HERC1: variants seen among roughly 807,000 people sequenced by gnomAD.
HERC1 encodes HECT and RLD domain containing E3 ubiquitin protein ligase family member 1.
Under a neutral mutation model 554.3 loss-of-function variants are expected in HERC1, and 160 were observed. The ratio of observed to expected loss-of-function variants is 0.29; its 90% CI spans 0.25 to 0.33. The LOEUF (loss-of-function observed/expected upper bound fraction) is 0.33, where lower values mean the gene tolerates loss of function less well. HERC1 is among the 10% of genes least tolerant of loss of function. The pLI, the probability that HERC1 is intolerant of heterozygous loss-of-function variation, is 1.00. For synonymous variants in HERC1, 2,175 were observed against 2,131.7 expected (o/e 1.02, Z -0.56); for missense variants, 4,919 against 5,918.5 (o/e 0.83, Z 5.54).
intron 1 of HERC1, among the ~76,000 whole-genome samples, chr15:63,802,465 A>C (rs998184451): frequency 3.9e-5 from 6 of 152,184 alleles, no homozygotes; most frequent in African/African-American, 1.4e-4. Flanking sequence ...AATCAAACTA[A>C]TGGGTTTTCA....
intron 72 of HERC1, 42 bp from the exon 73 acceptor site, chr15:63,623,932 C>T: frequency 1.3e-6 from 2 of 1,590,534 alleles, no homozygotes; most frequent in Non-Finnish European, 1.7e-6. Flanking sequence ...CAACTCTTAC[C>T]AATTTCCCCA....
At chr15:63,745,466 G>T (rs1181675796) in intron 12 of HERC1, among the ~76,000 whole-genome samples, 1 of 152,204 alleles carries the variant, frequency 6.6e-6, no homozygotes, top group Non-Finnish European at 1.5e-5. Flanking sequence ...TCTGGCTAGG[G>T]TTGGTTTAAA....
chr15:63,655,889 G>C lies in HERC1; in HGVS notation c.9937C>G (p.Leu3313Val), dbSNP rs2070005823. The C allele has an allele frequency of 6.2e-7, 1 of 1,612,566 alleles. No individual in the cohort carries two copies. Among genetic ancestry groups the C allele is most frequent in the Non-Finnish European group, 8.5e-7 (1 of 1,179,316 alleles). ...TVDDSIQRKF[L>V]PSFLRGIAEE... The stretch of plus-strand genomic sequence containing the variant: ...GCAATTCCTCGGAGAAAGCTGGGTA[G>C]AAACTTTCGCTGAATTGAGTCATCA... The change falls in exon 50 of 78, where the codon CTA becomes GTA. Residue 3313 changes from leucine (L) to valine (V), a missense_variant. This residue lies in a region of HERC1 where 1,963 missense variants were observed against 2,228.6 expected (regional missense o/e 0.88). Transcript: ENST00000443617.
At chr15:63,735,248 G>A (rs1257091746) in intron 12 of HERC1, among the ~76,000 whole-genome samples, 3 of 152,024 alleles carry the variant, frequency 2.0e-5, no homozygotes, top group Non-Finnish European at 4.4e-5. Flanking sequence ...GTAAAAGGGT[G>A]CAGGAACTTG....
chr15:63,623,000 T>C (rs2068153415), intron 73 of HERC1, 109 bp from the exon 74 acceptor site: 3 of 644,156 alleles, frequency 4.7e-6, no homozygotes, highest in African/African-American at 1.9e-5. Flanking sequence ...GAATTTATAA[T>C]GCCATGTGAC....
chr15:63,720,179 C>T (rs1293723396), intron 19 of HERC1, among the ~76,000 whole-genome samples: 1 of 135,178 alleles, frequency 7.4e-6, no homozygotes, highest in Non-Finnish European at 1.5e-5. Flanking sequence ...ACATAGCTCA[C>T]TGCAGTCTCA....
chr15:63,653,239 G>A (rs1485418344), intron 51 of HERC1, among the ~76,000 whole-genome samples: 1 of 152,096 alleles, frequency 6.6e-6, no homozygotes, highest in Admixed American at 6.6e-5. Context: ...TCAGGAGTTT[G>A]AGACCAGCCT....
At chr15:63,706,299 T>G (rs2073003162) in intron 25 of HERC1, among the ~76,000 whole-genome samples, 1 of 152,056 alleles carries the variant, frequency 6.6e-6, no homozygotes, top group Admixed American at 6.5e-5. Flanking sequence ...ATCTCTTACA[T>G]GCTTTATCTT....
intron 1 of HERC1, among the ~76,000 whole-genome samples, chr15:63,828,030 G>A (rs967844699): frequency 1.3e-5 from 2 of 151,924 alleles, no homozygotes; most frequent in Admixed American, 6.5e-5. Context: ...AAAGTGTTCC[G>A]GAATTAGATA....
intron 70 of HERC1, among the ~76,000 whole-genome samples, chr15:63,627,460 G>T (rs1358697709): frequency 6.6e-6 from 1 of 152,036 alleles, no homozygotes. Flanking sequence ...CCAGACTTGA[G>T]GTCAGGAGTT....
At chr15:63,832,738 A>T (rs2146240554) in intron 1 of HERC1, among the ~76,000 whole-genome samples, 1 of 152,346 alleles carries the variant, frequency 6.6e-6, no homozygotes, top group South Asian at 2.1e-4. Context: ...ACTAGCAGCC[A>T]GTTTTAATCA....
intron 1 of HERC1, among the ~76,000 whole-genome samples, chr15:63,817,499 G>T (rs1024323732): frequency 6.6e-6 from 1 of 152,164 alleles, no homozygotes; most frequent in African/African-American, 2.4e-5. Context: ...TGGATCACCT[G>T]AGGCAAGGAG....
chr15:63,692,276 T>A lies in HERC1; in HGVS notation c.5830+135A>T. 1 of 601,900 alleles carries A rather than the reference T, an allele frequency of 1.7e-6. No homozygotes were observed. The allele number at this position is 601,900 out of a possible 1,614,324, so 37.3% of individuals were successfully genotyped here. A position where few individuals can be genotyped will look rare whatever the true frequency, so the allele number is the denominator to read the frequency against. ...AAATTAGAGTTTTCTTTTGATCAAA[T>A]AGGTACGCAGAAAATAAGAAAGAAA... is the stretch of plus-strand genomic sequence containing the variant. On this transcript the variant is annotated intron_variant, in intron 31 of 77. Coordinates refer to ENST00000443617, the MANE Select transcript of HERC1 (RefSeq NM_003922.4). The surrounding 1 kb of genome is among the most constrained non-coding windows in gnomAD (Gnocchi z 4.7).
rs1404326520 is a variant in HERC1, at chr15:63,715,305, A to T, written c.4150+997T>A. On this transcript the variant is annotated intron_variant, in intron 22 of 77. Coordinates refer to ENST00000443617, the MANE Select transcript of HERC1 (RefSeq NM_003922.4). Reference sequence around the variant, plus strand: ...TTTAAAAAGTGTTAGTTCCCAGATGACTATCATTCTTTTATTGTAATTGAG... The same window carrying T: ...TTTAAAAAGTGTTAGTTCCCAGATGTCTATCATTCTTTTATTGTAATTGAG... 2.0e-5 allele frequency among the ~76,000 whole-genome samples: 3 copies of T among 152,166 alleles called. No homozygotes were observed. The East Asian group carries it at 5.8e-4, about 29-fold the overall frequency.
chr15:63,766,920 T>C (rs1404661417), intron 2 of HERC1, among the ~76,000 whole-genome samples: 1 of 151,788 alleles, frequency 6.6e-6, no homozygotes. Context: ...CCAGGTGATC[T>C]GCCCACCTGG....
intron 2 of HERC1, among the ~76,000 whole-genome samples, chr15:63,771,195 AAAAAG>A (rs900966755): frequency 6.6e-5 from 10 of 152,046 alleles, no homozygotes; most frequent in Admixed American, 1.3e-4. Flanking sequence ...CCTCAAAAAA[AAAAAG>A]AAAAGAAAAG....
intron 68 of HERC1, among the ~76,000 whole-genome samples, chr15:63,631,840 C>T (rs1397587332): frequency 1.3e-5 from 2 of 152,196 alleles, no homozygotes; most frequent in Non-Finnish European, 2.9e-5. Flanking sequence ...GGCGCCCGGC[C>T]CTCCCAAGTC....
Position 63,659,949 on chromosome 15 carries a change from T to C in HERC1, c.9224-13A>G. On this transcript the variant is annotated splice_polypyrimidine_tract_variant and intron_variant, in intron 46 of 77. Coordinates refer to ENST00000443617, the MANE Select transcript of HERC1 (RefSeq NM_003922.4). ...ATGTCCCAGTCTTCTGGAATTTAAA[T>C]AAATAAATGTATAGTATGTGAATTT... 1 of 1,549,576 alleles carries C rather than the reference T, an allele frequency of 6.5e-7. No individual in the cohort carries two copies. Among genetic ancestry groups the C allele is most frequent in the South Asian group, 1.1e-5 (1 of 88,224 alleles).
At chr15:63,731,889 G>A (rs2074310213) in intron 14 of HERC1, among the ~76,000 whole-genome samples, 1 of 152,162 alleles carries the variant, frequency 6.6e-6, no homozygotes, top group African/African-American at 2.4e-5. Context: ...TTACATCACA[G>A]ATTGGTAGAG....
Sources: gnomAD v4.1 joint callset for allele counts (sites outside exome capture counted in the v4.1 genomes callset) on GRCh38, gnomAD v4.1.1 for gene constraint, gnomAD v4.1.1 regional missense constraint, Gnocchi (gnomAD v3.1) non-coding constraint, MANE v1.5 for transcripts, NCBI Gene and HGNC (gene_info 2026-07-23, HGNC 2026-07-21) for gene names.